SLC2A9: variants seen among roughly 807,000 people sequenced by gnomAD.
The protein encoded by SLC2A9 is solute carrier family 2 member 9, also known as solute carrier family 2, facilitated glucose transporter member 9.
Under a neutral mutation model 50.6 loss-of-function variants are expected in SLC2A9, and 39 were observed. The ratio of observed to expected loss-of-function variants is 0.77; its 90% confidence interval spans 0.60 to 1.01. The LOEUF is 1.01. Ranked by LOEUF, SLC2A9 falls within the 50% of genes least tolerant of loss-of-function variation. SLC2A9 has a pLI of 0.00. For missense variants in SLC2A9, 686 were observed against 677.6 expected (o/e 1.01, Z -0.14); for synonymous variants, 324 against 276.9 (o/e 1.17, Z -1.69).
Position 9,887,745 on chromosome 4 carries a change from C to T in SLC2A9, c.1216-103G>A, listed in dbSNP as rs1736557406. ...CTCCATCCATCTGTGTGACCTTGGA[C>T]AGGTCACTTGATGTCCCCAAGCCCC... On this transcript the variant is annotated intron_variant, in intron 9 of 11. Transcript: ENST00000264784. 1.1e-5 allele frequency: 10 copies of T among 907,912 alleles called. No homozygotes were observed. In the South Asian group the frequency reaches 2.5e-4, roughly 23 times the overall value. The allele number at this position is 907,912 out of a possible 1,614,324, so 56.2% of individuals were successfully genotyped here.
chr4:9,817,897 TTGTC>T (rs1723832524), intron 3 of SLC2A9, among the ~76,000 whole-genome samples: 1 of 152,186 alleles, frequency 6.6e-6, no homozygotes, highest in Non-Finnish European at 1.5e-5. Flanking sequence ...ATCACTGGCT[TTGTC>T]TGTCCCTCCT....
intron 11 of SLC2A9, among the ~76,000 whole-genome samples, chr4:9,831,548 T>G (rs1242527650): frequency 6.6e-6 from 1 of 152,172 alleles, no homozygotes; most frequent in East Asian, 1.9e-4. Flanking sequence ...ACACCACTGT[T>G]GTCTGTAAAA....
chr4:9,984,973 C>T (rs558779331), intron 4 of SLC2A9, among the ~76,000 whole-genome samples: 33 of 152,346 alleles, frequency 2.2e-4, no homozygotes, highest in East Asian at 3.9e-4. Flanking sequence ...CTTTCCCAGA[C>T]GTGCCATGCC....
At position 10,021,408 on chromosome 4, in the gene SLC2A9, T is replaced by A. The variant is rs144751506; in HGVS notation, c.22A>T (p.Asn8Tyr). 1.9e-6 allele frequency: 3 copies of A among 1,614,106 alleles called. No homozygotes were observed. In the African/African-American group the frequency reaches 4.0e-5, roughly 22 times the overall value. ...GGAACTAGGCCCAGTTCCTTGGAAT[T>A]CCTATTTTGTTTCCTTGCCATGGGT... MARKQNR[N>Y]SKELGLVPLT... Residue 8 changes from asparagine (N) to tyrosine (Y), a missense_variant, in exon 1 of 12, where the codon AAT (asparagine) becomes TAT (tyrosine). Asn to Tyr is a moderately radical substitution (Grantham distance 143). Transcript: ENST00000264784.
Position 9,790,458 on chromosome 4 carries a change from A to T in SLC2A9, n.386-10393T>A, listed in dbSNP as rs371252187. Among the ~76,000 whole-genome samples the T allele has an allele frequency of 3.9e-5, 6 of 152,282 alleles. No homozygotes were observed. In the East Asian group the frequency reaches 1.2e-3, roughly 29 times the overall value. On this transcript the variant is annotated intron_variant and non_coding_transcript_variant, in intron 3 of 3. Transcript: ENST00000503803. ...TGCCCAGTATGGCTTGTAGGGGCTA[A>T]CACATATGCCCTCATTCATATGTCA...
At chr4:9,778,105 C>T (rs1163673363), downstream of SLC2A9, among the ~76,000 whole-genome samples, 5 of 140,456 alleles carry the variant, frequency 3.6e-5, no homozygotes, top group Non-Finnish European at 6.1e-5. Context: ...TCCTTCCTTC[C>T]TTCTTTCCTT....
At chr4:9,828,378 T>C (rs973386422) in intron 11 of SLC2A9, among the ~76,000 whole-genome samples, 12 of 152,218 alleles carry the variant, frequency 7.9e-5, no homozygotes, top group Non-Finnish European at 4.4e-5. Flanking sequence ...AGATTATTCT[T>C]AACAGACAAG....
intron 3 of SLC2A9, among the ~76,000 whole-genome samples, chr4:9,787,157 C>G (rs1719334563): frequency 6.6e-6 from 1 of 152,186 alleles, no homozygotes; most frequent in Admixed American, 6.5e-5. Context: ...GTGTATTACA[C>G]AAAACACATG....
intron 5 of SLC2A9, among the ~76,000 whole-genome samples, chr4:9,955,663 C>G (rs1313188029): frequency 6.6e-6 from 1 of 152,060 alleles, no homozygotes; most frequent in Non-Finnish European, 1.5e-5. Context: ...CTCAGTCTCT[C>G]CCTCTGCCTT....
At chr4:9,789,124 G>A (rs543252476) in intron 3 of SLC2A9, among the ~76,000 whole-genome samples, 1 of 152,106 alleles carries the variant, frequency 6.6e-6, no homozygotes, top group Admixed American at 6.6e-5. Context: ...CATTCATTTT[G>A]ATATCTAGCA....
chr4:9,869,458 C>G (rs1733038043), intron 10 of SLC2A9, among the ~76,000 whole-genome samples: 1 of 132,944 alleles, frequency 7.5e-6, no homozygotes, highest in African/African-American at 3.5e-5. Flanking sequence ...TGCCTCTGGC[C>G]CTGGGCTCCT....
chr4:9,921,443 T>C (rs1743936387), intron 6 of SLC2A9, among the ~76,000 whole-genome samples: 1 of 152,250 alleles, frequency 6.6e-6, no homozygotes, highest in Non-Finnish European at 1.5e-5. Context: ...CTCAGTGCTC[T>C]GATCTTTCTT....
intron 10 of SLC2A9, among the ~76,000 whole-genome samples, chr4:9,840,921 AAG>A (rs1172428888): frequency 2.1e-4 from 2 of 9,574 alleles, no homozygotes; most frequent in South Asian, 3.0e-3. Context: ...AAAGAGGACA[AAG>A]AGAGAAAGCA....
intron 3 of SLC2A9, among the ~76,000 whole-genome samples, chr4:9,802,495 A>G (rs189558067): frequency 5.3e-5 from 8 of 151,940 alleles, no homozygotes; most frequent in Admixed American, 3.3e-4. Flanking sequence ...CATGCTTATT[A>G]GCATAATTAG....
chr4:9,810,912 A>G (rs538868899), intron 3 of SLC2A9, among the ~76,000 whole-genome samples: 4 of 152,240 alleles, frequency 2.6e-5, no homozygotes, highest in Non-Finnish European at 5.9e-5. Flanking sequence ...TCCCCTTATG[A>G]TGAACAGAGC....
rs559695346 is a variant in SLC2A9, at chr4:9,973,135, T to A, written c.681+7457A>T. On this transcript the variant is annotated intron_variant, in intron 5 of 11. Coordinates refer to ENST00000264784, the MANE Select transcript of SLC2A9 (RefSeq NM_020041.3). ...GACATTATAACTGATTCCACAGAAA[T>A]ATAAAATATCTTCAGAGACTATTAT... Among the ~76,000 whole-genome samples, 30 of 152,246 alleles carry A rather than the reference T, an allele frequency of 2.0e-4. No individual in the cohort carries two copies. In the East Asian group the frequency reaches 5.0e-3, roughly 25 times the overall value.
intron 5 of SLC2A9, among the ~76,000 whole-genome samples, chr4:9,951,411 A>C (rs1304816129): frequency 6.6e-6 from 1 of 152,198 alleles, no homozygotes; most frequent in Non-Finnish European, 1.5e-5. Context: ...GTTTGATAGC[A>C]GGGTAGGATA....
At chr4:9,979,501 C>G (rs928671420) in intron 5 of SLC2A9, among the ~76,000 whole-genome samples, 1 of 152,092 alleles carries the variant, frequency 6.6e-6, no homozygotes, top group African/African-American at 2.4e-5. Context: ...AGCGCCCCTG[C>G]ATCCCTGGGA....
At chr4:9,988,647 T>C (rs1465742121) in intron 3 of SLC2A9, among the ~76,000 whole-genome samples, 2 of 152,218 alleles carry the variant, frequency 1.3e-5, no homozygotes, top group Non-Finnish European at 2.9e-5. Flanking sequence ...AGAACTCCAG[T>C]GTCCCCAGAA....
Sources: gnomAD v4.1 joint callset for allele counts (sites outside exome capture counted in the v4.1 genomes callset) on GRCh38, gnomAD v4.1.1 for gene constraint, MANE v1.5 for transcripts, NCBI Gene and HGNC (gene_info 2026-07-23, HGNC 2026-07-21) for gene names.